RBFOX1: variants seen among roughly 807,000 people sequenced by gnomAD.
The protein encoded by RBFOX1 is RNA binding fox-1 homolog 1, also known as RNA binding protein fox-1 homolog 1.
In RBFOX1, 8 loss-of-function variants were observed where a neutral mutation model predicts 57.7. The ratio of observed to expected loss-of-function variants is 0.14; its 90% CI spans 0.08 to 0.25. The LOEUF (loss-of-function observed/expected upper bound fraction) is 0.25, where lower values mean the gene tolerates loss of function less well. RBFOX1 is among the 10% of genes least tolerant of loss of function. The pLI, the probability that RBFOX1 is intolerant of heterozygous loss-of-function variation, is 1.00. For synonymous variants in RBFOX1, 326 were observed against 222.4 expected (o/e 1.47, Z -4.15); for missense variants, 611 against 548.5 (o/e 1.11, Z -1.14).
intron 4 of RBFOX1, among the ~76,000 whole-genome samples, chr16:7,399,837 A>T (rs976043990): frequency 6.6e-6 from 1 of 152,232 alleles, no homozygotes; most frequent in East Asian, 1.9e-4. Flanking sequence ...TGTGGGGACA[A>T]AATTCAATCT....
At chr16:7,593,394 C>A (rs2094540186) in intron 7 of RBFOX1, among the ~76,000 whole-genome samples, 1 of 152,250 alleles carries the variant, frequency 6.6e-6, no homozygotes, top group South Asian at 2.1e-4. Context: ...GAAGAACAAT[C>A]ATTTCCAAAC....
chr16:6,576,185 T>C (rs1431399500), intron 2 of RBFOX1, among the ~76,000 whole-genome samples: 5 of 152,154 alleles, frequency 3.3e-5, no homozygotes, highest in African/African-American at 1.2e-4. Flanking sequence ...TGCAACCTGC[T>C]TATTCCAGTT....
intron 4 of RBFOX1, among the ~76,000 whole-genome samples, chr16:5,892,069 G>T (rs2058057456): frequency 6.6e-6 from 1 of 152,232 alleles, no homozygotes; most frequent in Admixed American, 6.5e-5. Flanking sequence ...AGGCACATCA[G>T]TGAGCACAAT....
intron 3 of RBFOX1, among the ~76,000 whole-genome samples, chr16:6,876,604 T>G (rs1243856984): frequency 6.6e-6 from 1 of 152,162 alleles, no homozygotes; most frequent in Non-Finnish European, 1.5e-5. Context: ...TGATGCACCA[T>G]ACTAGAGTAA....
At chr16:5,659,821 G>C (rs1038329346) in intron 3 of RBFOX1, among the ~76,000 whole-genome samples, 2 of 152,132 alleles carry the variant, frequency 1.3e-5, no homozygotes, top group East Asian at 3.9e-4. Context: ...TCAAATCATT[G>C]GTATTTTCAC....
chr16:7,409,498 A>G (rs17563039), intron 4 of RBFOX1, among the ~76,000 whole-genome samples: 2,191 of 152,320 alleles, frequency 0.014, 28 homozygotes, highest in Non-Finnish European at 0.024. Flanking sequence ...ACACAATTCT[A>G]TTAGAAAGCT....
intron 2 of RBFOX1, among the ~76,000 whole-genome samples, chr16:6,653,940 T>C (rs1167153932): frequency 7.2e-6 from 1 of 139,592 alleles, no homozygotes; most frequent in Non-Finnish European, 1.5e-5. Context: ...GATTGATGGA[T>C]AGAGGGTGGA....
At chr16:7,333,097 A>G (rs778670995) in intron 4 of RBFOX1, 7 of 1,612,260 alleles carry the variant, frequency 4.3e-6, no homozygotes, top group South Asian at 1.1e-5. Context: ...AGGTAATTCA[A>G]GGCCTCTGCC....
intron 3 of RBFOX1, among the ~76,000 whole-genome samples, chr16:7,007,115 G>C (rs1439048955): frequency 6.6e-6 from 1 of 152,182 alleles, no homozygotes; most frequent in African/African-American, 2.4e-5. Context: ...GGACTGATAA[G>C]GAGGCTCTGG....
intron 1 of RBFOX1, among the ~76,000 whole-genome samples, chr16:5,383,361 C>T (rs1010970780): frequency 6.6e-6 from 1 of 152,176 alleles, no homozygotes; most frequent in Admixed American, 6.5e-5. Flanking sequence ...GAGTTGGCAC[C>T]ACTTTGCTTG....
intron 1 of RBFOX1, among the ~76,000 whole-genome samples, chr16:6,106,817 A>C (rs36026667): frequency 6.6e-6 from 1 of 151,834 alleles, no homozygotes; most frequent in Non-Finnish European, 1.5e-5. Flanking sequence ...ACAGATGCCC[A>C]TCACCATGCC....
intron 6 of RBFOX1, among the ~76,000 whole-genome samples, chr16:7,581,872 G>A (rs1268787442): frequency 6.6e-6 from 1 of 151,930 alleles, no homozygotes; most frequent in Non-Finnish European, 1.5e-5. Flanking sequence ...CACCATGCTT[G>A]GCTAATTTTT....
chr16:6,122,125 C>T (rs34631026), intron 1 of RBFOX1, among the ~76,000 whole-genome samples: 49,776 of 152,008 alleles, frequency 0.33, 9,403 homozygotes, highest in Non-Finnish European at 0.44. Context: ...AGGCTGGTCT[C>T]GAACTCCTGG....
intron 5 of RBFOX1, among the ~76,000 whole-genome samples, chr16:7,568,540 G>C (rs145001495): frequency 6.6e-6 from 1 of 152,104 alleles, no homozygotes; most frequent in Non-Finnish European, 1.5e-5. Context: ...TATCAGCAAT[G>C]TGTTTATTAC....
intron 1 of RBFOX1, among the ~76,000 whole-genome samples, chr16:6,093,480 C>G (rs987762241): frequency 1.3e-5 from 2 of 152,092 alleles, no homozygotes; most frequent in Admixed American, 6.5e-5. Context: ...ACTCAATATA[C>G]TAGGATTTCC....
chr16:5,737,675 C>T (rs1038056026), intron 3 of RBFOX1, among the ~76,000 whole-genome samples: 1 of 151,950 alleles, frequency 6.6e-6, no homozygotes, highest in African/African-American at 2.4e-5. Flanking sequence ...TTTGCACTGT[C>T]TCCGTACCTA....
At chr16:6,784,275 C>G (rs1352929769) in intron 3 of RBFOX1, among the ~76,000 whole-genome samples, 1 of 151,992 alleles carries the variant, frequency 6.6e-6, no homozygotes, top group Admixed American at 6.6e-5. Flanking sequence ...AGGTTATTTT[C>G]TAAATATTAC....
intron 2 of RBFOX1, among the ~76,000 whole-genome samples, chr16:5,591,084 C>G (rs970693612): frequency 6.6e-6 from 1 of 150,874 alleles, no homozygotes; most frequent in Admixed American, 6.6e-5. Flanking sequence ...CCAATGTTGT[C>G]ATGTGTTTTT....
intron 14 of RBFOX1, among the ~76,000 whole-genome samples, chr16:7,703,156 C>G (rs1409606523): frequency 6.6e-6 from 1 of 152,208 alleles, no homozygotes; most frequent in Non-Finnish European, 1.5e-5. Context: ...AAGTGTGCGA[C>G]TTGCATGGAT....
Sources: gnomAD v4.1 joint callset for allele counts (sites outside exome capture counted in the v4.1 genomes callset) on GRCh38, gnomAD v4.1.1 for gene constraint, MANE v1.5 for transcripts, NCBI Gene and HGNC (gene_info 2026-07-23, HGNC 2026-07-21) for gene names.